The following SFRP1 variants were observed in gnomAD, a reference collection of about 807,000 sequenced individuals.
The protein encoded by SFRP1 is secreted frizzled-related protein 1.
In SFRP1, 9 loss-of-function variants were observed where a neutral mutation model predicts 25.9. The ratio of observed to expected loss-of-function variants is 0.35; its 90% CI spans 0.21 to 0.61. The LOEUF (loss-of-function observed/expected upper bound fraction) is 0.61, where lower values mean the gene tolerates loss of function less well. SFRP1 is among the 20% of genes least tolerant of loss of function. The pLI is 0.78. For missense variants in SFRP1, 346 were observed against 418.2 expected, an observed-to-expected ratio of 0.83 and a Z score of 1.51; for synonymous variants, 178 against 174.0, an observed-to-expected ratio of 1.02 and a Z score of -0.18.
chr8:41,284,769 C>T (rs7821371), intron 2 of SFRP1, among the ~76,000 whole-genome samples: 375 of 152,332 alleles, frequency 2.5e-3, no homozygotes, highest in African/African-American at 8.2e-3. Context: ...GGCAAAGCCT[C>T]TGGGAGCTGC....
At chr8:41,293,348 G>A (rs1803801108) in intron 2 of SFRP1, among the ~76,000 whole-genome samples, 1 of 152,262 alleles carries the variant, frequency 6.6e-6, no homozygotes, top group Non-Finnish European at 1.5e-5. Context: ...CAGCCTTTGA[G>A]TCCCCACGCT....
chr8:41,286,261 C>T (rs7838918), intron 2 of SFRP1, among the ~76,000 whole-genome samples: 1 of 151,972 alleles, frequency 6.6e-6, no homozygotes, highest in Non-Finnish European at 1.5e-5. Flanking sequence ...AGCGAAGAAG[C>T]CTCCAGGCAA....
chr8:41,293,321 C>G (rs1425001694), intron 2 of SFRP1, among the ~76,000 whole-genome samples: 3 of 152,230 alleles, frequency 2.0e-5, no homozygotes, highest in African/African-American at 7.2e-5. Flanking sequence ...AGCAGCTCCC[C>G]CTCCCATGCC....
intron 2 of SFRP1, among the ~76,000 whole-genome samples, chr8:41,300,089 C>T (rs1398410564): frequency 6.6e-6 from 1 of 152,190 alleles, no homozygotes; most frequent in Non-Finnish European, 1.5e-5. Context: ...AACTGCCCGT[C>T]AGAGTAAAAC....
intron 2 of SFRP1, among the ~76,000 whole-genome samples, chr8:41,288,028 G>A (rs945442593): frequency 1.1e-4 from 16 of 151,568 alleles, no homozygotes; most frequent in African/African-American, 3.9e-4. Context: ...GACCAGCCTG[G>A]GCCACATAGC....
chr8:41,276,256 G>C (rs1397301163), intron 2 of SFRP1, among the ~76,000 whole-genome samples: 1 of 152,160 alleles, frequency 6.6e-6, no homozygotes, highest in African/African-American at 2.4e-5. Context: ...CACATGTCTT[G>C]GGTAACCCTG....
intron 2 of SFRP1, among the ~76,000 whole-genome samples, chr8:41,298,426 TG>T (rs1221300581): frequency 6.7e-6 from 1 of 148,168 alleles, no homozygotes; most frequent in Non-Finnish European, 1.5e-5. Context: ...TTTTTTTTTT[TG>T]AGACAGTCTT....
intron 2 of SFRP1, among the ~76,000 whole-genome samples, chr8:41,281,142 T>C (rs913022199): frequency 6.6e-6 from 1 of 152,178 alleles, no homozygotes; most frequent in South Asian, 2.1e-4. Context: ...ACCTGCCAAG[T>C]GCTCCTACCT....
intron 2 of SFRP1, among the ~76,000 whole-genome samples, chr8:41,293,882 CCCA>C (rs1242072638): frequency 6.6e-6 from 1 of 152,070 alleles, no homozygotes; most frequent in Non-Finnish European, 1.5e-5. Context: ...AGACGCACAT[CCCA>C]CCAAGTAGCT....
At chr8:41,307,727 A>G (rs1322140201) in intron 1 of SFRP1, among the ~76,000 whole-genome samples, 2 of 151,570 alleles carry the variant, frequency 1.3e-5, no homozygotes, top group Non-Finnish European at 2.9e-5. Context: ...ACTTCCCAGG[A>G]TTTTTTTTTC....
chr8:41,267,554 C>T (rs572579463), intron 2 of SFRP1, among the ~76,000 whole-genome samples: 88 of 152,342 alleles, frequency 5.8e-4, no homozygotes, highest in African/African-American at 2.1e-3. Context: ...CACCCACACA[C>T]CCTGAGGAAA....
chr8:41,300,663 T>C (rs1464824554), intron 2 of SFRP1, among the ~76,000 whole-genome samples: 1 of 152,212 alleles, frequency 6.6e-6, no homozygotes, highest in African/African-American at 2.4e-5. Context: ...TACTGAGCTG[T>C]TAACAGCAGG....
At chr8:41,287,034 G>T (rs987769901) in intron 2 of SFRP1, among the ~76,000 whole-genome samples, 3 of 152,188 alleles carry the variant, frequency 2.0e-5, no homozygotes, top group Non-Finnish European at 4.4e-5. Flanking sequence ...TCTGAATAAC[G>T]TCTACAGTGG....
rs1269399877 is a variant in SFRP1 at position 41,262,405 on chromosome 8, AT to A, written c.*2761del. 2 of 152,214 alleles carry A rather than the reference AT, an allele frequency of 1.3e-5. No homozygotes were observed. Among genetic ancestry groups the A allele is most frequent in the African/African-American group, 4.8e-5 (2 of 41,454 alleles). 9.4% of individuals were successfully genotyped at this position (152,214 alleles called of 1,614,324 possible). ...AGGTTTGGGAAATGGGATTACTGTA[AT>A]TTACACATCCAAATGCAAACTGGAG... On this transcript the variant is annotated 3_prime_UTR_variant, in exon 3 of 3. Transcript: ENST00000220772.
chr8:41,278,343 C>T (rs1803595349), intron 2 of SFRP1, among the ~76,000 whole-genome samples: 1 of 152,200 alleles, frequency 6.6e-6, no homozygotes, highest in African/African-American at 2.4e-5. Flanking sequence ...TGACCAATCC[C>T]ACCACTCACA....
At chr8:41,301,656 G>C (rs1390013526) in intron 2 of SFRP1, among the ~76,000 whole-genome samples, 1 of 152,208 alleles carries the variant, frequency 6.6e-6, no homozygotes, top group African/African-American at 2.4e-5. Flanking sequence ...AGTTGAGAAA[G>C]TCAAATTCCT....
At position 41,265,126 on chromosome 8, in the gene SFRP1, A is replaced by ACCCCCCC; in HGVS notation, c.*40_*41insGGGGGGG. 1 of 136,966 alleles carries ACCCCCCC rather than the reference A, an allele frequency of 7.3e-6. No homozygotes were observed. The highest frequency in any genetic ancestry group is 1.4e-5 in the Non-Finnish European group (1 of 71,656). The allele number at this position is 136,966 out of a possible 1,614,324, so 8.5% of individuals were successfully genotyped here. A position where few individuals can be genotyped will look rare whatever the true frequency, so the allele number is the denominator to read the frequency against. ...CCGGGGCACTGTCCCCCCCGCTCCCACCCCACCCGAGGCTCCCTCCCCACC... is the reference window on the plus strand; with the variant it reads ...CCGGGGCACTGTCCCCCCCGCTCCCACCCCCCCCCCCACCCGAGGCTCCCTCCCCACC... On this transcript the variant is annotated 3_prime_UTR_variant, in exon 3 of 3. Transcript: ENST00000220772.
rs1346325388 is a variant in SFRP1 at position 41,265,200 on chromosome 8, A to G, written c.912T>C (p.His304=). Residue 304 remains histidine, a synonymous_variant, in exon 3 of 3, where the codon CAT becomes CAC. Transcript: ENST00000220772. ...ACACGGACTGAAAGGTGGGGCACTC[A>G]TGGTTTTTCATTTTCTTCATGAAGT... ...FKNFMKKMKN[H]ECPTFQSVFK is the part of the protein sequence containing the mutation. 2.8e-6 allele frequency: 4 copies of G among 1,426,452 alleles called. No individual in the cohort carries two copies. Among genetic ancestry groups the G allele is most frequent in the East Asian group, 3.4e-5 (1 of 29,696 alleles). 88.4% of individuals were successfully genotyped at this position (1,426,452 alleles called of 1,614,324 possible).
In SFRP1 at chr8:41,281,478, G is replaced by A. The variant is rs75587056; in HGVS notation, c.623-15989C>T. On this transcript the variant is annotated intron_variant, in intron 2 of 2. Coordinates refer to ENST00000220772, the MANE Select transcript of SFRP1 (RefSeq NM_003012.5). ...AGAGGCAAAGTCCCTTCAGAGCACA[G>A]AAGGGTTAAGCCCATGGCTGCCATC... Among the ~76,000 whole-genome samples, 146 of 152,362 alleles carry A rather than the reference G, an allele frequency of 9.6e-4. 1 individual carries two copies. Among genetic ancestry groups the A allele is most frequent in the African/African-American group, 3.4e-3 (143 of 41,586 alleles).
Sources: gnomAD v4.1 joint callset for allele counts (sites outside exome capture counted in the v4.1 genomes callset) on GRCh38, gnomAD v4.1.1 for gene constraint, MANE v1.5 for transcripts, NCBI Gene and HGNC (gene_info 2026-07-23, HGNC 2026-07-21) for gene names.